The following POU1F1 variants were observed in gnomAD, a reference collection of about 807,000 sequenced individuals.
POU1F1 encodes POU class 1 homeobox 1, also known as pituitary-specific positive transcription factor 1.
POU1F1 carries 23 observed loss-of-function variants against 32.3 expected under a neutral mutation model. The ratio of observed to expected loss-of-function variants is 0.71; its 90% CI spans 0.51 to 1.01. The LOEUF is 1.01. Among genes scored for constraint, POU1F1 ranks in the 50% least tolerant of loss-of-function variants. The pLI is 0.00. For synonymous variants in POU1F1, 120 were observed against 115.6 expected (o/e 1.04, Z -0.25); for missense variants, 323 against 341.6 (o/e 0.95, Z 0.43).
In POU1F1 at chr3:87,259,991, ACT is replaced by A. The variant is rs754512389; in HGVS notation, c.777_778del (p.Arg259SerfsTer26). 1 of 1,614,066 alleles carries A rather than the reference ACT, an allele frequency of 6.2e-7. No homozygotes were observed. The highest frequency in any genetic ancestry group is 8.5e-7 in the Non-Finnish European group (1 of 1,179,994). Reference sequence around the variant, plus strand: ...TCTCTGCCTCCGGTTGCAAAACCAAACTCTTACTACTTCTTTCTCCAGATTCA... The same window carrying A: ...TCTCTGCCTCCGGTTGCAAAACCAAACTTACTACTTCTTTCTCCAGATTCA... On this transcript the variant is annotated frameshift_variant, in exon 6 of 6. Coordinates refer to ENST00000350375, the MANE Select transcript of POU1F1 (RefSeq NM_000306.4). LOFTEE classifies it high-confidence loss of function.
At chr3:87,275,116 AT>A (rs1462288477) in intron 1 of POU1F1, among the ~76,000 whole-genome samples, 6 of 152,006 alleles carry the variant, frequency 3.9e-5, no homozygotes, top group Admixed American at 2.0e-4. Context: ...GCTTAGATTT[AT>A]TTATAGCATA....
At position 87,264,479 on chromosome 3, in the gene POU1F1, T is replaced by G; in HGVS notation, c.248A>C (p.Asp83Ala). ...SLTPCLYKFPDHTLSHGFPPI... is the reference protein window; with the variant it reads ...SLTPCLYKFPAHTLSHGFPPI... Reference sequence around the variant, plus strand: ...AGGAAATCCATGACTCAAGGTGTGGTCAGGAAATTTATAAAGACAAGGGGT... The same window carrying G: ...AGGAAATCCATGACTCAAGGTGTGGGCAGGAAATTTATAAAGACAAGGGGT... Residue 83 changes from aspartate to alanine, a missense_variant, in exon 3 of 6, where the codon GAC becomes GCC. Physicochemically the swap from Asp to Ala is moderately radical, Grantham distance 126. Transcript: ENST00000350375. The G allele has an allele frequency of 8.7e-6, 14 of 1,611,912 alleles. No individual in the cohort carries two copies. Among genetic ancestry groups the G allele is most frequent in the Non-Finnish European group, 1.2e-5 (14 of 1,178,088 alleles).
In POU1F1 at chr3:87,264,316, A is replaced by C; in HGVS notation, c.411T>G (p.Asn137Lys). ...PEIRELEKFANEFKVRRIKLG... is the reference protein window; with the variant it reads ...PEIRELEKFAKEFKVRRIKLG... The stretch of plus-strand genomic sequence containing the variant: ...ATTTAATTCGTCTCACTTTAAATTC[A>C]TTGGCAAACTTTTCAAGTTCTCTGA... The change falls in exon 3 of 6, where the codon AAT (asparagine) becomes AAG (lysine). Residue 137 changes from asparagine to lysine, a missense_variant. Physicochemically the swap from Asn to Lys is moderately conservative, Grantham distance 94. Coordinates refer to ENST00000350375, the MANE Select transcript of POU1F1 (RefSeq NM_000306.4). 6.2e-7 allele frequency: 1 copy of C among 1,613,642 alleles called. No individual in the cohort carries two copies. Among genetic ancestry groups the C allele is most frequent in the Non-Finnish European group, 8.5e-7 (1 of 1,179,632 alleles).
chr3:87,261,212 T>C, intron 5 of POU1F1, 61 bp downstream of exon 5: 4 of 1,205,468 alleles, frequency 3.3e-6, no homozygotes, highest in Non-Finnish European at 4.8e-6. Flanking sequence ...TACACTCAAA[T>C]GCTCATTCCA....
At position 87,264,451 on chromosome 3, in the gene POU1F1, A is replaced by G. The variant is rs1187394603; in HGVS notation, c.276T>C (p.Pro92=). Residue 92 remains proline, a synonymous_variant, in exon 3 of 6, where the codon CCT becomes CCC. Transcript: ENST00000350375. ...CCTCTGCCAGAAGAGGCTGGTGTAT[A>G]GGAGGAAATCCATGACTCAAGGTGT... ...PDHTLSHGFP[P]IHQPLLAEDP... 1.9e-6 allele frequency: 3 copies of G among 1,613,738 alleles called. No individual in the cohort carries two copies. Among genetic ancestry groups the G allele is most frequent in the Non-Finnish European group, 8.5e-7 (1 of 1,179,694 alleles).
chr3:87,276,229 G>T, intron 1 of POU1F1, 92 bp downstream of exon 1: 5 of 1,476,606 alleles, frequency 3.4e-6, no homozygotes, highest in Non-Finnish European at 4.7e-6. Context: ...TAAAATGAAA[G>T]ATGCAAAGAG....
In POU1F1 at chr3:87,276,541, C is replaced by T. The variant is rs962722666; in HGVS notation, c.-79G>A. 6.6e-6 allele frequency: 10 copies of T among 1,507,078 alleles called. No individual in the cohort carries two copies. The highest frequency in any genetic ancestry group is 5.7e-5 in the Admixed American group (3 of 52,432). 93.4% of individuals were successfully genotyped at this position (1,507,078 alleles called of 1,614,324 possible). On this transcript the variant is annotated 5_prime_UTR_variant, in exon 1 of 6. Transcript: ENST00000350375. ...TTATTATATTACTGTCTCAAAGGGCCGATTCAATTCTCACTACCTGCATAT... is the reference window on the plus strand; with the variant it reads ...TTATTATATTACTGTCTCAAAGGGCTGATTCAATTCTCACTACCTGCATAT...
Position 87,259,717 on chromosome 3 carries a change from A to G in POU1F1, c.*177T>C, listed in dbSNP as rs1706468435. On this transcript the variant is annotated 3_prime_UTR_variant, in exon 6 of 6. Coordinates refer to ENST00000350375, the MANE Select transcript of POU1F1 (RefSeq NM_000306.4). ...CTGAGAATAATTATTTTAAGTAAATAACATCAATATAATTTAAATTGTTGG... is the reference window on the plus strand; with the variant it reads ...CTGAGAATAATTATTTTAAGTAAATGACATCAATATAATTTAAATTGTTGG... 3.3e-6 allele frequency: 2 copies of G among 607,998 alleles called. No individual in the cohort carries two copies. The highest frequency in any genetic ancestry group is 5.8e-5 in the East Asian group (2 of 34,694). 37.7% of individuals were successfully genotyped at this position (607,998 alleles called of 1,614,324 possible). A position where few individuals can be genotyped will look rare whatever the true frequency, so the allele number is the denominator to read the frequency against.
At position 87,259,756 on chromosome 3, in the gene POU1F1, A is replaced by G. The variant is rs190287993; in HGVS notation, c.*138T>C. 7 of 720,632 alleles carry G rather than the reference A, an allele frequency of 9.7e-6. No individual in the cohort carries two copies. The highest frequency in any genetic ancestry group is 1.6e-5 in the Non-Finnish European group (7 of 438,850). The allele number at this position is 720,632 out of a possible 1,614,324, so 44.6% of individuals were successfully genotyped here. A position where few individuals can be genotyped will look rare whatever the true frequency, so the allele number is the denominator to read the frequency against. On this transcript the variant is annotated 3_prime_UTR_variant, in exon 6 of 6. Coordinates refer to ENST00000350375, the MANE Select transcript of POU1F1 (RefSeq NM_000306.4). ...TTAAATTGTTGGTTTCTTTTTTTTAAAAAAAAGTGGAAAAGTAAAGCTTCT... is the reference window on the plus strand; with the variant it reads ...TTAAATTGTTGGTTTCTTTTTTTTAGAAAAAAGTGGAAAAGTAAAGCTTCT...
chr3:87,276,252 C>G (rs1706822991), intron 1 of POU1F1, 69 bp downstream of exon 1: 1 of 1,539,134 alleles, frequency 6.5e-7, no homozygotes, highest in Non-Finnish European at 9.0e-7. Flanking sequence ...TATTAACTAT[C>G]AAGATTCAAA....
At chr3:87,275,789 T>C (rs1461071002) in intron 1 of POU1F1, among the ~76,000 whole-genome samples, 3 of 152,132 alleles carry the variant, frequency 2.0e-5, no homozygotes, top group African/African-American at 7.2e-5. Flanking sequence ...TGCTATAATT[T>C]CTGTATCTTA....
At chr3:87,272,855 G>A (rs942539630) in intron 2 of POU1F1, among the ~76,000 whole-genome samples, 1 of 152,118 alleles carries the variant, frequency 6.6e-6, no homozygotes, top group Non-Finnish European at 1.5e-5. Flanking sequence ...TAATGATGAG[G>A]GGGGGTGTTC....
At chr3:87,273,266 C>T (rs1176018975) in intron 2 of POU1F1, 81 bp downstream of exon 2, 1 of 1,389,874 alleles carries the variant, frequency 7.2e-7, no homozygotes, top group Non-Finnish European at 1.0e-6. Flanking sequence ...ATGTCACACT[C>T]TGATCACAAT....
chr3:87,273,084 T>C (rs933330015), intron 2 of POU1F1, among the ~76,000 whole-genome samples: 3 of 152,212 alleles, frequency 2.0e-5, no homozygotes, highest in Non-Finnish European at 2.9e-5. Flanking sequence ...AGTTTGACGA[T>C]AGTGAATTTC....
chr3:87,266,339 A>G (rs1412801039), intron 2 of POU1F1, among the ~76,000 whole-genome samples: 2 of 147,050 alleles, frequency 1.4e-5, no homozygotes, highest in East Asian at 3.9e-4. Flanking sequence ...TTATAAATAT[A>G]TAATTATAAA....
intron 2 of POU1F1, among the ~76,000 whole-genome samples, chr3:87,267,612 A>T (rs1020583995): frequency 1.3e-5 from 2 of 151,916 alleles, no homozygotes; most frequent in African/African-American, 4.8e-5. Context: ...TTGCTTATTT[A>T]TTCTTTATTT....
chr3:87,272,188 A>G (rs1706739722), intron 2 of POU1F1, among the ~76,000 whole-genome samples: 1 of 152,004 alleles, frequency 6.6e-6, no homozygotes. Context: ...AGTATCACAC[A>G]CATACACACA....
intron 2 of POU1F1, among the ~76,000 whole-genome samples, chr3:87,271,874 A>T (rs1706733246): frequency 6.6e-6 from 1 of 152,172 alleles, no homozygotes; most frequent in Admixed American, 6.6e-5. Flanking sequence ...CATAAATGTT[A>T]GGATACTGGT....
chr3:87,267,816 G>T (rs963359944), intron 2 of POU1F1, among the ~76,000 whole-genome samples: 5 of 151,948 alleles, frequency 3.3e-5, no homozygotes, highest in Admixed American at 2.0e-4. Flanking sequence ...ATGTTGCCCA[G>T]GCTGGTCTCA....
Sources: gnomAD v4.1 joint callset for allele counts (sites outside exome capture counted in the v4.1 genomes callset) on GRCh38, gnomAD v4.1.1 for gene constraint, MANE v1.5 for transcripts, NCBI Gene and HGNC (gene_info 2026-07-23, HGNC 2026-07-21) for gene names.